The following NRXN1 variants were observed in gnomAD, a reference collection of about 807,000 sequenced individuals.
NRXN1 encodes the protein neurexin 1, also known as neurexin-1.
A neutral mutation model predicts 150.9 loss-of-function variants in NRXN1; 39 were observed. The observed-to-expected ratio is 0.26, with a 90% CI of 0.20 to 0.34. The LOEUF (loss-of-function observed/expected upper bound fraction) is 0.34. Among genes scored for constraint, NRXN1 ranks in the 10% least tolerant of loss-of-function variants. The pLI is 1.00. For synonymous variants in NRXN1, 924 were observed against 757.0 expected (o/e 1.22, Z -3.62); for missense variants, 1,815 against 1,949.9 (o/e 0.93, Z 1.30).
intron 5 of NRXN1, among the ~76,000 whole-genome samples, chr2:50,833,551 G>C (rs902762269): frequency 6.6e-6 from 1 of 152,152 alleles, no homozygotes; most frequent in Non-Finnish European, 1.5e-5. Context: ...GTCTCAAACA[G>C]TTCCACATGT....
At chr2:51,025,530 T>G (rs1670307787) in intron 2 of NRXN1, among the ~76,000 whole-genome samples, 1 of 152,192 alleles carries the variant, frequency 6.6e-6, no homozygotes, top group South Asian at 2.1e-4. Context: ...TGTGTCATAT[T>G]TGTTTCCTAA....
At chr2:49,997,491 A>G (rs1442241141) in intron 21 of NRXN1, among the ~76,000 whole-genome samples, 3 of 152,286 alleles carry the variant, frequency 2.0e-5, no homozygotes, top group Non-Finnish European at 4.4e-5. Flanking sequence ...CTTTTAAAGA[A>G]AAGTATGTCA....
intron 18 of NRXN1, among the ~76,000 whole-genome samples, chr2:50,172,502 T>C (rs1053701878): frequency 1.3e-5 from 2 of 152,222 alleles, no homozygotes; most frequent in Middle Eastern, 3.4e-3. Flanking sequence ...TATTTATCTC[T>C]GTTTCCCTGT....
At chr2:50,739,005 C>CT (rs1409192110) in intron 5 of NRXN1, among the ~76,000 whole-genome samples, 1 of 152,130 alleles carries the variant, frequency 6.6e-6, no homozygotes, top group African/African-American at 2.4e-5. Context: ...TGGCTCAGTG[C>CT]TCTATTAGGC....
At chr2:50,875,752 T>C (rs753810964) in intron 5 of NRXN1, among the ~76,000 whole-genome samples, 2 of 151,852 alleles carry the variant, frequency 1.3e-5, no homozygotes, top group Non-Finnish European at 2.9e-5. Flanking sequence ...GATTTTGTGT[T>C]GGCAGATGGT....
At chr2:50,403,345 G>C (rs2082524510) in intron 17 of NRXN1, among the ~76,000 whole-genome samples, 2 of 152,002 alleles carry the variant, frequency 1.3e-5, no homozygotes, top group Non-Finnish European at 2.9e-5. Flanking sequence ...GCATCACCTG[G>C]GAGCTTATTA....
rs373120060 is a variant in NRXN1, at chr2:50,514,353, A to T, written c.2375-7736T>A. Among the ~76,000 whole-genome samples the T allele has an allele frequency of 8.8e-4, 134 of 152,320 alleles. 3 individuals carry two copies. The South Asian group carries it at 0.027, about 31-fold the overall frequency. On this transcript the variant is annotated intron_variant, in intron 12 of 22. Transcript: ENST00000401669. Reference sequence around the variant, plus strand: ...AGTTACAGTACCATAGCATCTGAGAATTATAAAATTTTAAAACTGAATGGT... The same window carrying T: ...AGTTACAGTACCATAGCATCTGAGATTTATAAAATTTTAAAACTGAATGGT...
chr2:49,974,285 T>C, intron 21 of NRXN1: 1 of 558,542 alleles, frequency 1.8e-6, no homozygotes, highest in South Asian at 1.8e-5. Context: ...CGTCTGCAGT[T>C]GACGAGGCTG....
chr2:50,720,448 C>G (rs946190796), intron 5 of NRXN1, among the ~76,000 whole-genome samples: 4 of 152,132 alleles, frequency 2.6e-5, no homozygotes, highest in Non-Finnish European at 5.9e-5. Context: ...ATCTCCAGTC[C>G]TTAAGGGGCG....
intron 18 of NRXN1, among the ~76,000 whole-genome samples, chr2:50,168,598 T>A (rs2059827880): frequency 6.6e-6 from 1 of 152,210 alleles, no homozygotes; most frequent in Non-Finnish European, 1.5e-5. Context: ...AATTGGAACA[T>A]TTTTGAGGTT....
At chr2:50,875,641 C>T (rs1270216418) in intron 5 of NRXN1, among the ~76,000 whole-genome samples, 1 of 151,708 alleles carries the variant, frequency 6.6e-6, no homozygotes, top group Non-Finnish European at 1.5e-5. Context: ...GATTTTATTT[C>T]TTTTCCCAAT....
chr2:50,199,022 A>G (rs914348369), intron 18 of NRXN1: 1 of 152,212 alleles, frequency 6.6e-6, no homozygotes, highest in African/African-American at 2.4e-5. Flanking sequence ...AAGAGTGCCC[A>G]GAGCTGAGGA....
chr2:50,350,761 C>A (rs2078352266), intron 17 of NRXN1, among the ~76,000 whole-genome samples: 1 of 152,132 alleles, frequency 6.6e-6, no homozygotes, highest in Non-Finnish European at 1.5e-5. Context: ...CTTATATTGT[C>A]TGGGGCCTTG....
intron 21 of NRXN1, among the ~76,000 whole-genome samples, chr2:49,951,233 G>C (rs7608407): frequency 0.011 from 1,603 of 151,880 alleles, 39 homozygotes; most frequent in African/African-American, 0.036. Flanking sequence ...CTGAATTTTT[G>C]AGTAATCAAA....
chr2:50,778,528 T>C (rs1224064829), intron 5 of NRXN1, among the ~76,000 whole-genome samples: 1 of 152,006 alleles, frequency 6.6e-6, no homozygotes, highest in East Asian at 1.9e-4. Flanking sequence ...AGACAAGAGG[T>C]AGTAAGAAGG....
intron 2 of NRXN1, among the ~76,000 whole-genome samples, chr2:50,949,125 C>G (rs1182787044): frequency 6.6e-6 from 1 of 151,960 alleles, no homozygotes; most frequent in Non-Finnish European, 1.5e-5. Flanking sequence ...TGAGAGGAAC[C>G]TGAAAATACC....
At chr2:50,165,772 G>C (rs1227281495) in intron 18 of NRXN1, among the ~76,000 whole-genome samples, 1 of 152,126 alleles carries the variant, frequency 6.6e-6, no homozygotes, top group Non-Finnish European at 1.5e-5. Context: ...TTTTAGAAAT[G>C]ATGTCAAATG....
intron 5 of NRXN1, among the ~76,000 whole-genome samples, chr2:50,700,753 G>A (rs1378606739): frequency 1.3e-5 from 2 of 151,242 alleles, no homozygotes; most frequent in Non-Finnish European, 2.9e-5. Flanking sequence ...GTGAGGATAA[G>A]TTTTTTATTT....
chr2:50,393,834 G>A (rs998605444), intron 17 of NRXN1, among the ~76,000 whole-genome samples: 1 of 151,972 alleles, frequency 6.6e-6, no homozygotes. Context: ...AGAATTATGC[G>A]AGAAAAATCA....
Sources: gnomAD v4.1 joint callset for allele counts (sites outside exome capture counted in the v4.1 genomes callset) on GRCh38, gnomAD v4.1.1 for gene constraint, MANE v1.5 for transcripts, NCBI Gene and HGNC (gene_info 2026-07-23, HGNC 2026-07-21) for gene names.